Variants in C19orf12 observed in about 807,000 individuals in gnomAD.
The protein encoded by C19orf12 is protein C19orf12.
In C19orf12, 2 loss-of-function variants were observed where a neutral mutation model predicts 3.8. The observed-to-expected ratio is 0.53, with a 90% CI of 0.22 to 1.66. The LOEUF is 1.66. Among genes scored for constraint, C19orf12 ranks in the 40% most tolerant of loss-of-function variants. C19orf12 has a pLI of 0.20. For missense variants in C19orf12, 156 were observed against 188.8 expected (o/e 0.83, Z 1.02); for synonymous variants, 89 against 84.6 (o/e 1.05, Z -0.28).
At chr19:29,713,999 T>C (rs895847286) in intron 1 of C19orf12, among the ~76,000 whole-genome samples, 2 of 148,552 alleles carry the variant, frequency 1.3e-5, no homozygotes, top group Non-Finnish European at 1.5e-5. Flanking sequence ...TTTCGTTCTC[T>C]CTCTCTCTCT....
chr19:29,711,773 C>T (rs1183429767), intron 1 of C19orf12, among the ~76,000 whole-genome samples: 7 of 152,114 alleles, frequency 4.6e-5, no homozygotes, highest in Non-Finnish European at 4.4e-5. Context: ...CTGGCTTCCC[C>T]CCCCAAAAAA....
rs10417597 is a variant in C19orf12 at position 29,699,751 on chromosome 19, A to G, written c.*2961T>C. 331,103 of 453,942 alleles carry G rather than the reference A, an allele frequency of 0.73. 122,824 individuals carry two copies. The highest frequency in any genetic ancestry group is 0.87 in the African/African-American group (43,329 of 50,076). The allele number at this position is 453,942 out of a possible 1,614,324, so 28.1% of individuals were successfully genotyped here. On this transcript the variant is annotated 3_prime_UTR_variant, in exon 3 of 3. Coordinates refer to ENST00000323670, the MANE Select transcript of C19orf12 (RefSeq NM_031448.6). Reference sequence around the variant, plus strand: ...CAGTGGCTGCCTCTGGGGTCGGCATAGGAGCAGGCCTTCCCTTGCAGCTTG... The same window carrying G: ...CAGTGGCTGCCTCTGGGGTCGGCATGGGAGCAGGCCTTCCCTTGCAGCTTG...
At chr19:29,706,578 G>A (rs1466861697) in intron 2 of C19orf12, among the ~76,000 whole-genome samples, 2 of 152,190 alleles carry the variant, frequency 1.3e-5, no homozygotes, top group African/African-American at 4.8e-5. Context: ...GCACTGAGAT[G>A]GAGGTGGGGG....
At chr19:29,705,625 C>G (rs1298100321) in intron 2 of C19orf12, among the ~76,000 whole-genome samples, 1 of 151,774 alleles carries the variant, frequency 6.6e-6, no homozygotes, top group Admixed American at 6.6e-5. Flanking sequence ...ATCCTCCCAC[C>G]TTGGCCTCCT....
intron 1 of C19orf12, among the ~76,000 whole-genome samples, chr19:29,713,654 AGTT>A (rs549895193): frequency 1.3e-5 from 2 of 152,332 alleles, no homozygotes; most frequent in African/African-American, 4.8e-5. Flanking sequence ...ATTAGCTCAT[AGTT>A]GTTGTTTTTT....
Position 29,700,442 on chromosome 19 carries a change from A to C in C19orf12, c.*2270T>G, listed in dbSNP as rs748603317. 26 of 454,016 alleles carry C rather than the reference A, an allele frequency of 5.7e-5. No individual in the cohort carries two copies. Among genetic ancestry groups the C allele is most frequent in the Non-Finnish European group, 1.1e-4 (26 of 226,806 alleles). 28.1% of individuals were successfully genotyped at this position (454,016 alleles called of 1,614,324 possible). A position where few individuals can be genotyped will look rare whatever the true frequency, so the allele number is the denominator to read the frequency against. On this transcript the variant is annotated 3_prime_UTR_variant, in exon 3 of 3. Coordinates refer to ENST00000323670, the MANE Select transcript of C19orf12 (RefSeq NM_031448.6). The stretch of plus-strand genomic sequence containing the variant: ...CTAAAAACGGGCAACTTTAGAGCCC[A>C]CTAAAGCTATACAAAATTGGGAGGG...
chr19:29,701,902 G>A lies in C19orf12; in HGVS notation c.*810C>T. The stretch of plus-strand genomic sequence containing the variant: ...GCAGTAAACATGACTTAGATGCACT[G>A]GGAAACTAAAACAATGCGCTTCCTT... On this transcript the variant is annotated 3_prime_UTR_variant, in exon 3 of 3. Transcript: ENST00000323670. The A allele has an allele frequency of 2.2e-6, 1 of 454,100 alleles. No individual in the cohort carries two copies. Among genetic ancestry groups the A allele is most frequent in the South Asian group, 1.6e-5 (1 of 64,476 alleles). The allele number at this position is 454,100 out of a possible 1,614,324, so 28.1% of individuals were successfully genotyped here. A position where few individuals can be genotyped will look rare whatever the true frequency, so the allele number is the denominator to read the frequency against.
At chr19:29,706,171 A>G (rs565899681) in intron 2 of C19orf12, among the ~76,000 whole-genome samples, 51 of 152,360 alleles carry the variant, frequency 3.3e-4, no homozygotes, top group Admixed American at 2.8e-3. Context: ...AGAAAGGCAC[A>G]TTCTGGGAAG....
rs868058820 is a variant in C19orf12 at position 29,712,943 on chromosome 19, C to T, written c.-11+2182G>A. ...GTGTGAGGGCAGGCAGAGGAAGTCA[C>T]TGTGTTTTAATAGTCCAGCACCACG... On this transcript the variant is annotated intron_variant, in intron 1 of 2. Coordinates refer to ENST00000323670, the MANE Select transcript of C19orf12 (RefSeq NM_031448.6). 2.6e-5 allele frequency among the ~76,000 whole-genome samples: 4 copies of T among 152,230 alleles called. 1 individual carries two copies. In the South Asian group the frequency reaches 8.3e-4, roughly 32 times the overall value.
chr19:29,700,521 T>C lies in C19orf12; in HGVS notation c.*2191A>G, dbSNP rs1157028740. ...CCAGGGTCCGTATGCAGGACTTATT[T>C]GCAGGAAGAGCAGGAATGATCAGTT... On this transcript the variant is annotated 3_prime_UTR_variant, in exon 3 of 3. Transcript: ENST00000323670. 2 of 454,014 alleles carry C rather than the reference T, an allele frequency of 4.4e-6. No homozygotes were observed. Among genetic ancestry groups the C allele is most frequent in the African/African-American group, 2.0e-5 (1 of 50,004 alleles). 28.1% of individuals were successfully genotyped at this position (454,014 alleles called of 1,614,324 possible). A position where few individuals can be genotyped will look rare whatever the true frequency, so the allele number is the denominator to read the frequency against.
chr19:29,701,564 T>C lies in C19orf12; in HGVS notation c.*1148A>G, dbSNP rs1389210771. ...TTGGATCTAAATGTGGAGACCACAG[T>C]TACGGAGAGCTGACTGTACTGGGGA... On this transcript the variant is annotated 3_prime_UTR_variant, in exon 3 of 3. Coordinates refer to ENST00000323670, the MANE Select transcript of C19orf12 (RefSeq NM_031448.6). 6.6e-6 allele frequency: 3 copies of C among 454,162 alleles called. No individual in the cohort carries two copies. The highest frequency in any genetic ancestry group is 1.3e-5 in the Non-Finnish European group (3 of 226,810). The allele number at this position is 454,162 out of a possible 1,614,324, so 28.1% of individuals were successfully genotyped here.
At chr19:29,706,623 C>A (rs1040357712) in intron 2 of C19orf12, among the ~76,000 whole-genome samples, 2 of 152,218 alleles carry the variant, frequency 1.3e-5, no homozygotes, top group Non-Finnish European at 2.9e-5. Flanking sequence ...AAGAAGGAAA[C>A]AGCCTTGTCT....
chr19:29,714,985 G>A (rs757228095), intron 1 of C19orf12, 140 bp downstream of exon 1: 17 of 713,728 alleles, frequency 2.4e-5, no homozygotes, highest in Non-Finnish European at 3.6e-5. Context: ...CCCCGGCACC[G>A]GGAGGGCCGG....
chr19:29,702,229 T>C lies in C19orf12; in HGVS notation c.*483A>G. 2.2e-6 allele frequency: 1 copy of C among 454,740 alleles called. No homozygotes were observed. The allele number at this position is 454,740 out of a possible 1,614,324, so 28.2% of individuals were successfully genotyped here. ...CGGTTGCACTAGGAGGTAAACATGA[T>C]TCCAGCATGGGCTGCTCCAAGGCCC... On this transcript the variant is annotated 3_prime_UTR_variant, in exon 3 of 3. Transcript: ENST00000323670.
At chr19:29,710,018 T>C (rs1038480696) in intron 1 of C19orf12, among the ~76,000 whole-genome samples, 2 of 152,102 alleles carry the variant, frequency 1.3e-5, no homozygotes, top group African/African-American at 2.4e-5. Flanking sequence ...GCTAAAGGCA[T>C]GCAACACTAC....
Position 29,699,375 on chromosome 19 carries a change from C to T in C19orf12, c.*3337G>A, listed in dbSNP as rs868247639. The T allele has an allele frequency of 3.2e-5, 12 of 374,968 alleles. No homozygotes were observed. Among genetic ancestry groups the T allele is most frequent in the Admixed American group, 1.1e-4 (3 of 26,518 alleles). The allele number at this position is 374,968 out of a possible 1,614,324, so 23.2% of individuals were successfully genotyped here. A position where few individuals can be genotyped will look rare whatever the true frequency, so the allele number is the denominator to read the frequency against. On this transcript the variant is annotated 3_prime_UTR_variant, in exon 3 of 3. Coordinates refer to ENST00000323670, the MANE Select transcript of C19orf12 (RefSeq NM_031448.6). Reference sequence around the variant, plus strand: ...GCGGGCGACTGTAGTCAAAGCTACTCGGGAGGCTGAGGCAGGAGAATGGCT... The same window carrying T: ...GCGGGCGACTGTAGTCAAAGCTACTTGGGAGGCTGAGGCAGGAGAATGGCT...
Position 29,702,596 on chromosome 19 carries a change from C to T in C19orf12, c.*116G>A, listed in dbSNP as rs924710777. Reference sequence around the variant, plus strand: ...CCAGCGGGACATTACTAGTAATACACTGATGATGTGGAGATTCCCCAGGGG... The same window carrying T: ...CCAGCGGGACATTACTAGTAATACATTGATGATGTGGAGATTCCCCAGGGG... On this transcript the variant is annotated 3_prime_UTR_variant, in exon 3 of 3. Coordinates refer to ENST00000323670, the MANE Select transcript of C19orf12 (RefSeq NM_031448.6). The T allele has an allele frequency of 2.9e-6, 4 of 1,361,988 alleles. No individual in the cohort carries two copies. The highest frequency in any genetic ancestry group is 2.9e-5 in the African/African-American group (2 of 70,004). 84.4% of individuals were successfully genotyped at this position (1,361,988 alleles called of 1,614,324 possible).
intron 1 of C19orf12, among the ~76,000 whole-genome samples, chr19:29,711,563 C>T (rs529543906): frequency 1.3e-5 from 2 of 152,316 alleles, no homozygotes; most frequent in South Asian, 4.1e-4. Context: ...CCTCCCTTTC[C>T]CCGGGCGTGA....
chr19:29,700,079 TCTC>T lies in C19orf12; in HGVS notation c.*2630_*2632del. The T allele has an allele frequency of 2.2e-6, 1 of 453,914 alleles. No homozygotes were observed. The highest frequency in any genetic ancestry group is 4.4e-6 in the Non-Finnish European group (1 of 226,758). 28.1% of individuals were successfully genotyped at this position (453,914 alleles called of 1,614,324 possible). On this transcript the variant is annotated 3_prime_UTR_variant, in exon 3 of 3. Coordinates refer to ENST00000323670, the MANE Select transcript of C19orf12 (RefSeq NM_031448.6). The stretch of plus-strand genomic sequence containing the variant: ...ACAAAACTGATCAGGAGTTGGACCA[TCTC>T]CTCCCTGGGCATTTTTCCCTGCAGT...
Sources: allele counts gnomAD v4.1 joint callset (sites outside exome capture counted in the v4.1 genomes callset), GRCh38; gene constraint gnomAD v4.1.1; transcripts MANE v1.5; gene names NCBI Gene and HGNC (gene_info 2026-07-23, HGNC 2026-07-21).